The following CFAP92 variants were observed in gnomAD, a reference collection of about 807,000 sequenced individuals.
The protein encoded by CFAP92 is uncharacterized protein CFAP92.
Under a neutral mutation model 106.3 loss-of-function variants are expected in CFAP92, and 86 were observed. The observed-to-expected ratio is 0.81, with a 90% CI of 0.68 to 0.97. CFAP92 has a LOEUF of 0.97. CFAP92 is among the 50% of genes least tolerant of loss of function. The probability of loss-of-function intolerance (pLI) is 0.00; values close to 1 mark genes in which losing one functional copy is unlikely to be tolerated. For synonymous variants in CFAP92, 477 were observed against 506.4 expected, an observed-to-expected ratio of 0.94 and a Z score of 0.78; for missense variants, 1,204 against 1,283.8, an observed-to-expected ratio of 0.94 and a Z score of 0.95.
Position 128,935,319 on chromosome 3 carries a change from C to G in CFAP92, c.2259G>C (p.Trp753Cys), listed in dbSNP as rs1222152638. The change falls in exon 11 of 16, where the codon TGG (tryptophan) becomes TGC (cysteine). Residue 753 changes from tryptophan (W) to cysteine (C), a missense_variant and splice_region_variant. Trp to Cys is a radical substitution (Grantham distance 215). Transcript: ENST00000645291. ...ATTTCCTGTGTTCTGACCTGGGAAT[C>G]CTGCAAGAGACAGAAGGCCAAGAGC... ...LRQLWENHQSWIPRSEHRKYK... is the reference protein window; with the variant it reads ...LRQLWENHQSCIPRSEHRKYK... 6.7e-7 allele frequency: 1 copy of G among 1,496,654 alleles called. No individual in the cohort carries two copies. The highest frequency in any genetic ancestry group is 1.4e-5 in the African/African-American group (1 of 72,232). The allele number at this position is 1,496,654 out of a possible 1,614,324, so 92.7% of individuals were successfully genotyped here. A position where few individuals can be genotyped will look rare whatever the true frequency, so the allele number is the denominator to read the frequency against.
Position 128,910,813 on chromosome 3 carries a change from T to TGTGA in CFAP92, c.3281-484_3281-481dup. ...CTTCAGCCTCTCTCAGCTGGACAAG[T>TGTGA]GTGAGTGGCATGTCTTGGGGGAGGG... On this transcript the variant is annotated intron_variant, in intron 15 of 15. Coordinates refer to ENST00000645291, the MANE Select transcript of CFAP92 (RefSeq NM_001394090.1). 3 of 1,614,148 alleles carry TGTGA rather than the reference T, an allele frequency of 1.9e-6. No individual in the cohort carries two copies. Among genetic ancestry groups the TGTGA allele is most frequent in the Non-Finnish European group, 2.5e-6 (3 of 1,180,012 alleles).
chr3:128,965,844 T>G, intron 8 of CFAP92, 149 bp from the exon 9 acceptor site: 1 of 394,278 alleles, frequency 2.5e-6, no homozygotes. Flanking sequence ...AAGAAAGAAT[T>G]GGGAAACACC....
At chr3:129,016,420 G>A in the CFAP92 span, among the ~76,000 whole-genome samples, 2 of 152,098 alleles carry the variant, frequency 1.3e-5, no homozygotes, top group East Asian at 3.9e-4. Context: ...GAAGTGGGCT[G>A]TGTGATTGTG....
chr3:128,910,083 C>T lies in CFAP92; in HGVS notation c.*216G>A. ...CCAACATCCTCATCAACCTGTATGG[C>T]ATGACGGCCGTGCTGTCGCGGGCCA... On this transcript the variant is annotated 3_prime_UTR_variant, in exon 16 of 16. Coordinates refer to ENST00000645291, the MANE Select transcript of CFAP92 (RefSeq NM_001394090.1). 1 of 1,613,978 alleles carries T rather than the reference C, an allele frequency of 6.2e-7. No individual in the cohort carries two copies. The highest frequency in any genetic ancestry group is 8.5e-7 in the Non-Finnish European group (1 of 1,179,996).
At chr3:128,927,740 A>T (rs929397381) in intron 12 of CFAP92, among the ~76,000 whole-genome samples, 3 of 151,210 alleles carry the variant, frequency 2.0e-5, no homozygotes, top group East Asian at 1.9e-4. Context: ...AAAAAAAAAA[A>T]TTAATTCTAT....
At chr3:129,002,242 A>C in intron 1 of CFAP92, 2 of 1,529,808 alleles carry the variant, frequency 1.3e-6, no homozygotes. Context: ...CGGCTGGAGG[A>C]GGAGAATAGC....
chr3:128,932,907 G>A lies in CFAP92; in HGVS notation c.2544C>T (p.Ser848=). Residue 848 remains serine (S), a synonymous_variant, in exon 12 of 16, where the codon AGC becomes AGT. Transcript: ENST00000645291. ...GCGAAAGGGGCATCCCAAACTCTTG[G>A]CTCAAGTCTTTTATCATAGCAGAGG... is the stretch of plus-strand genomic sequence containing the variant. The part of the protein sequence containing the change: ...LPSSAMIKDL[S]QEFGMPLSQE... 2 of 1,536,072 alleles carry A rather than the reference G, an allele frequency of 1.3e-6. No homozygotes were observed. Among genetic ancestry groups the A allele is most frequent in the East Asian group, 2.4e-5 (1 of 40,908 alleles).
At chr3:128,910,515 A>T (rs1936164837) in intron 15 of CFAP92, among the ~76,000 whole-genome samples, 182 bp from the exon 16 acceptor site, 1 of 152,166 alleles carries the variant, frequency 6.6e-6, no homozygotes, top group Non-Finnish European at 1.5e-5. Context: ...CAGGATTGTG[A>T]CATCTGCCTT....
intron 9 of CFAP92, among the ~76,000 whole-genome samples, chr3:128,956,745 C>T (rs948365976): frequency 2.0e-5 from 3 of 151,810 alleles, no homozygotes; most frequent in South Asian, 2.1e-4. Flanking sequence ...TTTGGGAGGC[C>T]GAGGTGCGTG....
chr3:128,941,267 A>T (rs1939593911), intron 10 of CFAP92, among the ~76,000 whole-genome samples: 1 of 152,154 alleles, frequency 6.6e-6, no homozygotes, highest in Admixed American at 6.5e-5. Context: ...TCGATACCAC[A>T]TTAAATAATC....
intron 4 of CFAP92, among the ~76,000 whole-genome samples, chr3:128,986,876 A>T (rs1943887924): frequency 6.6e-6 from 1 of 152,168 alleles, no homozygotes; most frequent in African/African-American, 2.4e-5. Flanking sequence ...ACTTTCTGAC[A>T]TTGGCTGGGC....
chr3:129,006,737 C>T (rs755914560), upstream of CFAP92, among the ~76,000 whole-genome samples: 3 of 152,142 alleles, frequency 2.0e-5, no homozygotes, highest in South Asian at 2.1e-4. Flanking sequence ...GAAGGGCACA[C>T]GGTGATTAGG....
chr3:128,921,644 T>TA (rs1937292447), intron 12 of CFAP92, among the ~76,000 whole-genome samples: 1 of 152,140 alleles, frequency 6.6e-6, no homozygotes, highest in African/African-American at 2.4e-5. Context: ...AGGCAAAAAC[T>TA]ACCATCAATC....
At chr3:128,997,980 T>G (rs533442185), upstream of CFAP92, among the ~76,000 whole-genome samples, 3 of 152,366 alleles carry the variant, frequency 2.0e-5, no homozygotes, top group African/African-American at 7.2e-5. Flanking sequence ...CCTGTTTTAT[T>G]CACTACAGCT....
intron 4 of CFAP92, among the ~76,000 whole-genome samples, chr3:128,979,451 T>C (rs1441930569): frequency 6.6e-6 from 1 of 152,194 alleles, no homozygotes; most frequent in African/African-American, 2.4e-5. Context: ...ACTGGGTATA[T>C]ACCCAAAGGA....
chr3:128,926,475 AC>A (rs1313863353), intron 12 of CFAP92, among the ~76,000 whole-genome samples: 1 of 152,196 alleles, frequency 6.6e-6, no homozygotes, highest in Non-Finnish European at 1.5e-5. Context: ...AGATCACACC[AC>A]TGCATTCAGG....
chr3:128,988,148 C>G (rs1943977169), intron 3 of CFAP92, among the ~76,000 whole-genome samples: 1 of 151,918 alleles, frequency 6.6e-6, no homozygotes, highest in Non-Finnish European at 1.5e-5. Context: ...CACACACATG[C>G]ACACACACGT....
rs150206147 is a variant in CFAP92 at position 128,929,690 on chromosome 3, G to A, written c.2751+3010C>T. ...ACACAAAAGTTTACATAATTATATG[G>A]TTCCAATTACCTGAAATATTCAGAC... On this transcript the variant is annotated intron_variant, in intron 12 of 15. Transcript: ENST00000645291. Among the ~76,000 whole-genome samples, 1,025 of 152,286 alleles carry A rather than the reference G, an allele frequency of 6.7e-3. 6 individuals are homozygous for A. Among genetic ancestry groups the A allele is most frequent in the Middle Eastern group, 0.014 (4 of 294 alleles).
chr3:128,974,889 G>A (rs1371533770), intron 7 of CFAP92, among the ~76,000 whole-genome samples: 3 of 151,126 alleles, frequency 2.0e-5, no homozygotes, highest in East Asian at 3.9e-4. Context: ...GGGAGGCCGA[G>A]GCGGGCAGAT....
Sources: gnomAD v4.1 joint callset for allele counts (sites outside exome capture counted in the v4.1 genomes callset) on GRCh38, gnomAD v4.1.1 for gene constraint, MANE v1.5 for transcripts, NCBI Gene and HGNC (gene_info 2026-07-23, HGNC 2026-07-21) for gene names.